PYHIN1: variants seen among roughly 807,000 people sequenced by gnomAD.
PYHIN1 encodes pyrin and HIN domain family member 1.
PYHIN1 carries 32 observed loss-of-function variants against 43.7 expected under a neutral mutation model. That is an observed-to-expected ratio of 0.73 (90% CI 0.55 to 0.98). PYHIN1 has a LOEUF of 0.98. Ranked by LOEUF, PYHIN1 falls within the 50% of genes least tolerant of loss-of-function variation. The pLI is 0.00. For synonymous variants in PYHIN1, 205 were observed against 203.1 expected, an observed-to-expected ratio of 1.01 and a Z score of -0.08; for missense variants, 588 against 589.5, an observed-to-expected ratio of 1.00 and a Z score of 0.03.
At chr1:158,973,536 C>CACACACAT in intron 7 of PYHIN1, 111 bp from the exon 8 acceptor site, 1 of 1,014,490 alleles carries the variant, frequency 9.9e-7, no homozygotes, top group Admixed American at 1.9e-5. Flanking sequence ...CACACACACA[C>CACACACAT]ATATACACAC....
At chr1:158,988,128 A>G in the PYHIN1 span, among the ~76,000 whole-genome samples, 1 of 152,210 alleles carries the variant, frequency 6.6e-6, no homozygotes, top group Non-Finnish European at 1.5e-5. Context: ...TATAGCCTCC[A>G]GAACTGTGAA....
intron 7 of PYHIN1, among the ~76,000 whole-genome samples, chr1:158,970,712 G>A (rs1650884905): frequency 2.7e-5 from 1 of 37,288 alleles, no homozygotes; most frequent in African/African-American, 4.6e-5. Context: ...AAATATCTGT[G>A]AATAGAGCAA....
intron 8 of PYHIN1, among the ~76,000 whole-genome samples, chr1:158,975,260 G>C (rs916610531): frequency 6.6e-6 from 1 of 151,926 alleles, no homozygotes; most frequent in African/African-American, 2.4e-5. Flanking sequence ...TTATTAATTT[G>C]TATAAATTTT....
At chr1:158,952,972 G>A (rs554844450) in intron 7 of PYHIN1, among the ~76,000 whole-genome samples, 11 of 152,298 alleles carry the variant, frequency 7.2e-5, no homozygotes, top group East Asian at 5.8e-4. Flanking sequence ...TTCCCTTTCC[G>A]AGTCAAAGAA....
At chr1:158,971,590 ATGAAGATCAGTATCCCCAAAC>A (rs1326418337) in intron 7 of PYHIN1, among the ~76,000 whole-genome samples, 1 of 152,130 alleles carries the variant, frequency 6.6e-6, no homozygotes, top group Admixed American at 6.6e-5. Context: ...TGATAGCAAA[ATGAAGATCAGTATCCCCAAAC>A]AACTGACAAC....
chr1:158,984,173 T>G, the PYHIN1 span, among the ~76,000 whole-genome samples: 2 of 151,868 alleles, frequency 1.3e-5, no homozygotes, highest in South Asian at 4.1e-4. Flanking sequence ...TTGATTATTA[T>G]TTTTCTTCTG....
chr1:158,979,440 C>T (rs1266599874), downstream of PYHIN1, among the ~76,000 whole-genome samples: 1 of 152,116 alleles, frequency 6.6e-6, no homozygotes, highest in African/African-American at 2.4e-5. Flanking sequence ...TAGCATAATG[C>T]CCTCAAGTTT....
chr1:158,970,823 A>C (rs2101731115), intron 7 of PYHIN1, among the ~76,000 whole-genome samples: 1 of 152,140 alleles, frequency 6.6e-6, no homozygotes, highest in Admixed American at 6.6e-5. Flanking sequence ...TTTATTATAA[A>C]ATGTATAGCA....
chr1:158,972,911 C>T (rs977622896), intron 7 of PYHIN1, among the ~76,000 whole-genome samples: 1 of 152,054 alleles, frequency 6.6e-6, no homozygotes, highest in Non-Finnish European at 1.5e-5. Flanking sequence ...ATTATATATG[C>T]TACCTGCTCA....
chr1:158,942,120 T>C lies in PYHIN1; in HGVS notation c.723T>C (p.Ala241=). 6.2e-7 allele frequency: 1 copy of C among 1,614,154 alleles called. No individual in the cohort carries two copies. Among genetic ancestry groups the C allele is most frequent in the Non-Finnish European group, 8.5e-7 (1 of 1,180,002 alleles). Residue 241 remains alanine, a synonymous_variant, in exon 5 of 9, where the codon GCT becomes GCC. Transcript: ENST00000368140. ...SENEQRRMFH[A]TVATQTQFFH... The stretch of plus-strand genomic sequence containing the variant: ...ATGAGCAAAGAAGAATGTTTCATGC[T>C]ACAGTGGCTACGCAGACACAGTTCT...
chr1:158,939,049 G>A (rs1396205289), intron 3 of PYHIN1, 31 bp from the exon 4 acceptor site: 12 of 1,509,496 alleles, frequency 7.9e-6, no homozygotes, highest in Non-Finnish European at 9.8e-6. Flanking sequence ...GACACTGAAA[G>A]TAATTAACAA....
intron 7 of PYHIN1, chr1:158,945,279 C>G (rs856083): frequency 0.98 from 343,519 of 350,412 alleles, 168,743 homozygotes; most frequent in East Asian, 1. Flanking sequence ...AGTATCTTGT[C>G]TTGCTCCACC....
At chr1:158,949,589 G>C (rs1287143810) in intron 7 of PYHIN1, among the ~76,000 whole-genome samples, 2 of 136,472 alleles carry the variant, frequency 1.5e-5, no homozygotes, top group Non-Finnish European at 3.0e-5. Context: ...GTGTCCATGT[G>C]TTCTCATTGT....
intron 7 of PYHIN1, among the ~76,000 whole-genome samples, chr1:158,965,599 C>A (rs542454290): frequency 1.0e-3 from 158 of 152,208 alleles, no homozygotes; most frequent in African/African-American, 3.6e-3. Flanking sequence ...ATGGCTCCAA[C>A]CATACAATTA....
At position 158,944,948 on chromosome 1, in the gene PYHIN1, C is replaced by G. The variant is rs1232707310; in HGVS notation, c.1265C>G (p.Pro422Arg). The G allele has an allele frequency of 1.9e-6, 3 of 1,613,666 alleles. No homozygotes were observed. The highest frequency in any genetic ancestry group is 2.2e-5 in the South Asian group (2 of 91,050). ...MALPQEQSQHPKPSEASTTLP... is the reference protein window; with the variant it reads ...MALPQEQSQHRKPSEASTTLP... ...CTACCCCAGGAACAGAGTCAGCATC[C>G]AAAACCTTCAGAGGCCAGCACAACC... is the stretch of plus-strand genomic sequence containing the variant. The change falls in exon 7 of 9, where the codon CCA becomes CGA. Residue 422 changes from proline to arginine, a missense_variant. Transcript: ENST00000368140.
chr1:158,970,628 G>A (rs189546800), intron 7 of PYHIN1, among the ~76,000 whole-genome samples: 1 of 152,108 alleles, frequency 6.6e-6, no homozygotes, highest in Admixed American at 6.6e-5. Context: ...GAAGGGAATA[G>A]AGACTAGCTT....
intron 1 of PYHIN1, among the ~76,000 whole-genome samples, chr1:158,932,619 T>C (rs1251635504): frequency 6.6e-6 from 1 of 152,206 alleles, no homozygotes; most frequent in Non-Finnish European, 1.5e-5. Flanking sequence ...TTGTAAATAA[T>C]ATTATTCTAC....
At chr1:158,986,893 A>G in the PYHIN1 span, among the ~76,000 whole-genome samples, 1 of 152,296 alleles carries the variant, frequency 6.6e-6, no homozygotes, top group South Asian at 2.1e-4. Flanking sequence ...TCCTACAGCT[A>G]GGATTCTGGA....
At chr1:158,937,372 C>A (rs550943354) in intron 2 of PYHIN1, among the ~76,000 whole-genome samples, 197 bp downstream of exon 2, 1 of 152,168 alleles carries the variant, frequency 6.6e-6, no homozygotes. Flanking sequence ...TGACGTATAT[C>A]GGAGTTGAGG....
Sources: gnomAD v4.1 joint callset for allele counts (sites outside exome capture counted in the v4.1 genomes callset) on GRCh38, gnomAD v4.1.1 for gene constraint, MANE v1.5 for transcripts, NCBI Gene and HGNC (gene_info 2026-07-23, HGNC 2026-07-21) for gene names.